The following DTD1 variants were observed in gnomAD, a reference collection of about 807,000 sequenced individuals.
The protein encoded by DTD1 is D-tyrosyl-tRNA deacylase 1 homolog.
A neutral mutation model predicts 25.6 loss-of-function variants in DTD1; 13 were observed. That is an observed-to-expected ratio of 0.51 (90% CI 0.33 to 0.81). The LOEUF is 0.81. Ranked by LOEUF, DTD1 falls within the 30% of genes least tolerant of loss-of-function variation. DTD1 has a pLI of 0.02. For missense variants in DTD1, 193 were observed against 266.4 expected (o/e 0.72, Z 1.92); for synonymous variants, 110 against 103.6 (o/e 1.06, Z -0.37).
At chr20:18,687,023 G>T (rs1417721214) in intron 4 of DTD1, among the ~76,000 whole-genome samples, 1 of 152,176 alleles carries the variant, frequency 6.6e-6, no homozygotes, top group Non-Finnish European at 1.5e-5. Context: ...GGTCTATTGG[G>T]GGTTGTATGG....
At chr20:18,692,368 A>C (rs1001252979) in intron 4 of DTD1, among the ~76,000 whole-genome samples, 15 of 152,370 alleles carry the variant, frequency 9.8e-5, no homozygotes, top group Non-Finnish European at 2.2e-4. Flanking sequence ...CATATTTGCC[A>C]CAAGCTCTCT....
At chr20:18,692,884 A>G (rs2061052757) in intron 4 of DTD1, among the ~76,000 whole-genome samples, 1 of 142,894 alleles carries the variant, frequency 7.0e-6, no homozygotes, top group Admixed American at 7.6e-5. Flanking sequence ...TAGAAACAGG[A>G]CATGGATTTT....
rs184021146 is a variant in DTD1, at chr20:18,617,101, T to C, written c.371-11026T>C. 2.0e-3 allele frequency among the ~76,000 whole-genome samples: 312 copies of C among 152,242 alleles called. 2 individuals are homozygous for C. The highest frequency in any genetic ancestry group is 5.2e-3 in the South Asian group (25 of 4,830). ...GAATTGCAGGATCAGCTCTTTCTCC[T>C]TAGCCGAGAGTCTATGATACAATTC... On this transcript the variant is annotated intron_variant, in intron 3 of 5. Coordinates refer to ENST00000377452, the MANE Select transcript of DTD1 (RefSeq NM_080820.6).
rs933967197 is a variant in DTD1 at position 18,749,161 on chromosome 20, C to G, written c.*19+4890C>G. On this transcript the variant is annotated intron_variant, in intron 5 of 5. Coordinates refer to ENST00000377452, the MANE Select transcript of DTD1 (RefSeq NM_080820.6). The surrounding 1 kb of genome is among the most constrained non-coding windows in gnomAD (Gnocchi z 4.2). Reference sequence around the variant, plus strand: ...TCTGGCTGTGCTCCAGGCTGGGATCCTTGGAGTGGGGGAATGGGGGTTGGG... The same window carrying G: ...TCTGGCTGTGCTCCAGGCTGGGATCGTTGGAGTGGGGGAATGGGGGTTGGG... Among the ~76,000 whole-genome samples, 1 of 152,090 alleles carries G rather than the reference C, an allele frequency of 6.6e-6. No individual in the cohort carries two copies. The highest frequency in any genetic ancestry group is 1.5e-5 in the Non-Finnish European group (1 of 68,006).
At chr20:18,681,720 A>G (rs1290457714) in intron 4 of DTD1, among the ~76,000 whole-genome samples, 1 of 152,212 alleles carries the variant, frequency 6.6e-6, no homozygotes, top group Non-Finnish European at 1.5e-5. Flanking sequence ...GACAAACCAA[A>G]ACTGAGGGGA....
At chr20:18,650,414 C>G (rs372311266) in intron 4 of DTD1, among the ~76,000 whole-genome samples, 2 of 152,168 alleles carry the variant, frequency 1.3e-5, no homozygotes, top group South Asian at 2.1e-4. Flanking sequence ...GCCCCGTCCT[C>G]CCTGCCCACA....
At chr20:18,709,770 CAG>C (rs2061151082) in intron 4 of DTD1, among the ~76,000 whole-genome samples, 1 of 152,120 alleles carries the variant, frequency 6.6e-6, no homozygotes, top group Non-Finnish European at 1.5e-5. Flanking sequence ...CAGATGAAAA[CAG>C]GGAATGGAAG....
At chr20:18,588,792 C>T (rs893879681) in intron 1 of DTD1, 3 of 985,206 alleles carry the variant, frequency 3.0e-6, no homozygotes, top group Non-Finnish European at 3.6e-6. Context: ...AGCTACCCGA[C>T]CCCTGGTCAT....
intron 1 of DTD1, among the ~76,000 whole-genome samples, chr20:18,593,486 A>T (rs1432168306): frequency 6.6e-6 from 1 of 152,156 alleles, no homozygotes; most frequent in Non-Finnish European, 1.5e-5. Context: ...TGGCCCTAAG[A>T]TCCTGCTTAA....
At chr20:18,650,672 C>G (rs1044500029) in intron 4 of DTD1, among the ~76,000 whole-genome samples, 2 of 152,190 alleles carry the variant, frequency 1.3e-5, no homozygotes, top group African/African-American at 4.8e-5. Flanking sequence ...GGGCAGGGAT[C>G]TTAGACCAAT....
At chr20:18,682,804 G>T (rs1471768982) in intron 4 of DTD1, among the ~76,000 whole-genome samples, 2 of 152,184 alleles carry the variant, frequency 1.3e-5, no homozygotes, top group East Asian at 3.8e-4. Flanking sequence ...GTTCTTATGG[G>T]CATCAACATG....
chr20:18,614,865 CCCTT>C (rs762324863), intron 3 of DTD1, among the ~76,000 whole-genome samples: 4 of 151,730 alleles, frequency 2.6e-5, no homozygotes, highest in African/African-American at 4.8e-5. Context: ...CTCCTTCAAT[CCCTT>C]CCTTCCTTCC....
At chr20:18,742,458 C>T (rs2061282064) in intron 4 of DTD1, among the ~76,000 whole-genome samples, 5 of 152,166 alleles carry the variant, frequency 3.3e-5, no homozygotes, top group Admixed American at 6.5e-5. Flanking sequence ...AGCCTATGAA[C>T]GAGCATTATC....
chr20:18,606,868 GTATACATA>G (rs1269396916), intron 3 of DTD1, among the ~76,000 whole-genome samples: 1 of 149,742 alleles, frequency 6.7e-6, no homozygotes, highest in African/African-American at 2.5e-5. Context: ...CATGGCACAT[GTATACATA>G]TGTAACTAAC....
At chr20:18,677,757 C>T (rs556280821) in intron 4 of DTD1, among the ~76,000 whole-genome samples, 5 of 152,188 alleles carry the variant, frequency 3.3e-5, no homozygotes, top group Non-Finnish European at 5.9e-5. Flanking sequence ...AGAACTAGGT[C>T]CCGAATTCCC....
intron 4 of DTD1, among the ~76,000 whole-genome samples, chr20:18,708,438 C>G (rs928631382): frequency 1.4e-5 from 2 of 142,426 alleles, no homozygotes; most frequent in African/African-American, 5.3e-5. Flanking sequence ...TCACTGCAAC[C>G]TTCACCTCCC....
chr20:18,741,149 A>G (rs1189093802), intron 4 of DTD1, among the ~76,000 whole-genome samples: 1 of 152,216 alleles, frequency 6.6e-6, no homozygotes, highest in Non-Finnish European at 1.5e-5. Context: ...TAAAACTAAA[A>G]TTGTACTTTC....
intron 4 of DTD1, among the ~76,000 whole-genome samples, chr20:18,738,229 C>T (rs1347752911): frequency 3.3e-5 from 5 of 152,290 alleles, no homozygotes; most frequent in African/African-American, 7.2e-5. Flanking sequence ...CGGGGTTTGG[C>T]GTCTGGAGGC....
chr20:18,631,650 A>G (rs1342135083), intron 4 of DTD1: 21 of 985,182 alleles, frequency 2.1e-5, no homozygotes, highest in Non-Finnish European at 2.4e-5. Context: ...TTTTCTTGCC[A>G]CTGCTGCCCA....
Sources: gnomAD v4.1 joint callset for allele counts (sites outside exome capture counted in the v4.1 genomes callset) on GRCh38, gnomAD v4.1.1 for gene constraint, Gnocchi (gnomAD v3.1) non-coding constraint, MANE v1.5 for transcripts, NCBI Gene and HGNC (gene_info 2026-07-23, HGNC 2026-07-21) for gene names.